EPB41L4B: variants seen among roughly 807,000 people sequenced by gnomAD.
The protein encoded by EPB41L4B is band 4.1-like protein 4B.
A neutral mutation model predicts 112.5 loss-of-function variants in EPB41L4B; 30 were observed. That is an observed-to-expected ratio of 0.27 (90% CI 0.20 to 0.36). The LOEUF is 0.36. Among genes scored for constraint, EPB41L4B ranks in the 10% least tolerant of loss-of-function variants. The pLI, the probability that EPB41L4B is intolerant of heterozygous loss-of-function variation, is 1.00. For missense variants in EPB41L4B, 1,024 were observed against 1,133.3 expected (o/e 0.90, Z 1.38); for synonymous variants, 408 against 439.7 (o/e 0.93, Z 0.90).
chr9:109,182,244 A>ACC (rs1832089254), intron 24 of EPB41L4B, among the ~76,000 whole-genome samples: 2 of 152,206 alleles, frequency 1.3e-5, no homozygotes, highest in Non-Finnish European at 2.9e-5. Context: ...AAAAGAAATG[A>ACC]AGTATTGATA....
chr9:109,216,690 A>C (rs184308994), intron 16 of EPB41L4B, among the ~76,000 whole-genome samples: 75 of 151,904 alleles, frequency 4.9e-4, no homozygotes, highest in African/African-American at 1.7e-3. Context: ...GGAGGTGGAG[A>C]ACTGTGACCC....
rs577422693 is a variant in EPB41L4B, at chr9:109,208,164, G to A, written c.1753-115C>T. ...CACAGACCTACATACATAGACAGGG[G>A]TGTCACCAACTCCTTATATTTTTAT... On this transcript the variant is annotated intron_variant, in intron 17 of 25. Coordinates refer to ENST00000374566, the MANE Select transcript of EPB41L4B (RefSeq NM_019114.5). The A allele has an allele frequency of 1.9e-4, 234 of 1,241,342 alleles. 1 individual carries two copies. The African/African-American group carries it at 3.2e-3, about 17-fold the overall frequency. 76.9% of individuals were successfully genotyped at this position (1,241,342 alleles called of 1,614,324 possible).
At chr9:109,300,674 T>G (rs778039443) in intron 1 of EPB41L4B, among the ~76,000 whole-genome samples, 3 of 152,074 alleles carry the variant, frequency 2.0e-5, no homozygotes, top group Non-Finnish European at 4.4e-5. Flanking sequence ...TAATCCCAGC[T>G]ACTCCGGAGG....
chr9:109,228,690 T>C (rs1172776230), intron 15 of EPB41L4B, among the ~76,000 whole-genome samples: 2 of 152,238 alleles, frequency 1.3e-5, no homozygotes, highest in Admixed American at 6.5e-5. Flanking sequence ...TAGTCTCACA[T>C]ACCATCCTCA....
Position 109,320,162 on chromosome 9 carries a change from G to C in EPB41L4B, c.285C>G (p.Thr95=). Residue 95 remains threonine (T), a synonymous_variant, in exon 1 of 26, where the codon ACC becomes ACG. Transcript: ENST00000374566. ...TCACCGGCAGGTCCACGCTCACTTCGGTCCCGTCGAGCAGGAAGACGCGGC... is the reference window on the plus strand; with the variant it reads ...TCACCGGCAGGTCCACGCTCACTTCCGTCCCGTCGAGCAGGAAGACGCGGC... The part of the protein sequence containing the change: ...LYCRVFLLDG[T]EVSVDLPKHA... 6.7e-7 allele frequency: 1 copy of C among 1,482,412 alleles called. No individual in the cohort carries two copies. The highest frequency in any genetic ancestry group is 9.0e-7 in the Non-Finnish European group (1 of 1,113,838). The allele number at this position is 1,482,412 out of a possible 1,614,324, so 91.8% of individuals were successfully genotyped here.
chr9:109,252,260 A>G (rs1019851863), intron 12 of EPB41L4B, among the ~76,000 whole-genome samples: 3 of 152,156 alleles, frequency 2.0e-5, no homozygotes, highest in African/African-American at 7.2e-5. Context: ...TCTTTGGAAA[A>G]TTGTTCCTTA....
At chr9:109,193,132 A>G (rs2118691755) in intron 21 of EPB41L4B, among the ~76,000 whole-genome samples, 1 of 152,342 alleles carries the variant, frequency 6.6e-6, no homozygotes, top group South Asian at 2.1e-4. Context: ...AGATGCCAAT[A>G]GGTGGAGGTG....
chr9:109,201,146 G>T (rs184119099), intron 19 of EPB41L4B, among the ~76,000 whole-genome samples: 1 of 152,134 alleles, frequency 6.6e-6, no homozygotes, highest in Non-Finnish European at 1.5e-5. Context: ...GTATGTGGCC[G>T]GGGCCTAACA....
intron 15 of EPB41L4B, among the ~76,000 whole-genome samples, chr9:109,235,918 T>C (rs889759453): frequency 1.3e-5 from 2 of 152,248 alleles, no homozygotes; most frequent in African/African-American, 2.4e-5. Flanking sequence ...AAAGGTCCCA[T>C]GGCTAGTAAG....
chr9:109,221,459 GCTCGT>G (rs781005963), intron 15 of EPB41L4B, among the ~76,000 whole-genome samples: 11 of 152,120 alleles, frequency 7.2e-5, no homozygotes, highest in Middle Eastern at 3.2e-3. Flanking sequence ...CAACTGAGGG[GCTCGT>G]CTTCCACCCT....
At position 109,253,503 on chromosome 9, in the gene EPB41L4B, G is replaced by C. The variant is rs774157765; in HGVS notation, c.1217C>G (p.Thr406Ser). ...QATHGSRLRR[T>S]STFERKPSKR... ...ACTAGGCTTCCTCTCAAAGGTGCTG[G>C]TTCTTCGTAACCTGGAGCCATGTGT... Residue 406 changes from threonine to serine, a missense_variant, in exon 12 of 26, where the codon ACC (threonine) becomes AGC (serine). Thr to Ser is a moderately conservative substitution (Grantham distance 58). Transcript: ENST00000374566. The C allele has an allele frequency of 6.2e-7, 1 of 1,614,084 alleles. No individual in the cohort carries two copies. The highest frequency in any genetic ancestry group is 8.5e-7 in the Non-Finnish European group (1 of 1,179,932).
chr9:109,208,360 C>T (rs75392991), intron 17 of EPB41L4B, among the ~76,000 whole-genome samples: 79 of 152,310 alleles, frequency 5.2e-4, no homozygotes, highest in African/African-American at 1.8e-3. Flanking sequence ...GTTCAAGTCT[C>T]CTAACCTCAG....
intron 15 of EPB41L4B, chr9:109,241,856 T>C (rs768500988): frequency 1.9e-6 from 3 of 1,600,008 alleles, no homozygotes; most frequent in South Asian, 1.1e-5. Flanking sequence ...TGGAAGAAAA[T>C]GCAGAAATGT....
intron 1 of EPB41L4B, among the ~76,000 whole-genome samples, chr9:109,282,218 T>C (rs1023712383): frequency 9.2e-5 from 14 of 152,084 alleles, no homozygotes; most frequent in Non-Finnish European, 4.4e-5. Flanking sequence ...GAAATTAGAT[T>C]AGTGGTTGCT....
chr9:109,237,266 G>A (rs942170953), intron 15 of EPB41L4B, among the ~76,000 whole-genome samples: 16 of 152,270 alleles, frequency 1.1e-4, no homozygotes, highest in African/African-American at 3.6e-4. Context: ...AGGCAAAAGG[G>A]TTTTGAAGAC....
intron 18 of EPB41L4B, 22 bp downstream of exon 18, chr9:109,207,902 G>A: frequency 6.2e-7 from 1 of 1,613,382 alleles, no homozygotes; most frequent in East Asian, 2.2e-5. Context: ...TGAAATCAAA[G>A]GAATGTATGC....
chr9:109,265,615 G>C (rs1012907940), intron 4 of EPB41L4B, among the ~76,000 whole-genome samples: 2 of 152,036 alleles, frequency 1.3e-5, no homozygotes, highest in Admixed American at 6.6e-5. Context: ...TGGTTAGAGG[G>C]GTAACAAAAA....
At position 109,293,808 on chromosome 9, in the gene EPB41L4B, G is replaced by A. The variant is rs538113930; in HGVS notation, c.307-13887C>T. On this transcript the variant is annotated intron_variant, in intron 1 of 25. Transcript: ENST00000374566. ...ATTGGACTCTCTGAGGCTGCCTTAC[G>A]CTACATCACCAACTCCATATTAGAA... Among the ~76,000 whole-genome samples the A allele has an allele frequency of 1.8e-4, 27 of 151,736 alleles. No individual in the cohort carries two copies. The South Asian group carries it at 5.4e-3, about 30-fold the overall frequency.
At chr9:109,192,622 T>G (rs10816782) in intron 21 of EPB41L4B, among the ~76,000 whole-genome samples, 21,712 of 152,114 alleles carry the variant, frequency 0.14, 3,170 homozygotes, top group African/African-American at 0.37. Context: ...AGTGCTTTTC[T>G]ACTGGTCTTT....
Sources: allele counts gnomAD v4.1 joint callset (sites outside exome capture counted in the v4.1 genomes callset), GRCh38; gene constraint gnomAD v4.1.1; transcripts MANE v1.5; gene names NCBI Gene and HGNC (gene_info 2026-07-23, HGNC 2026-07-21).